Variants in FRY observed in about 807,000 individuals in gnomAD.
FRY encodes protein furry homolog.
A neutral mutation model predicts 348.4 loss-of-function variants in FRY; 128 were observed. The ratio of observed to expected loss-of-function variants is 0.37; its 90% CI spans 0.32 to 0.43. FRY has a LOEUF of 0.43. FRY is among the 20% of genes least tolerant of loss of function. FRY has a pLI of 1.00. For synonymous variants in FRY, 1,370 were observed against 1,374.7 expected (o/e 1.00, Z 0.08); for missense variants, 2,736 against 3,695.2 (o/e 0.74, Z 6.73).
chr13:32,120,183 A>G (rs1878562195), intron 4 of FRY, among the ~76,000 whole-genome samples: 1 of 152,132 alleles, frequency 6.6e-6, no homozygotes, highest in Non-Finnish European at 1.5e-5. Context: ...AATACTTTAC[A>G]TGTTTTATCT....
At chr13:32,196,579 AGTGT>A (rs147310088) in intron 29 of FRY, among the ~76,000 whole-genome samples, 10 of 149,646 alleles carry the variant, frequency 6.7e-5, no homozygotes, top group Admixed American at 6.7e-5. Context: ...TGAGTGTGAG[AGTGT>A]GTGTGTGTGT....
At chr13:32,113,953 C>T (rs1054371262) in intron 3 of FRY, among the ~76,000 whole-genome samples, 2 of 152,150 alleles carry the variant, frequency 1.3e-5, no homozygotes, top group African/African-American at 4.8e-5. Context: ...AGATCTAACA[C>T]CAAGAATGGA....
intron 29 of FRY, among the ~76,000 whole-genome samples, chr13:32,201,099 G>C: frequency 6.6e-6 from 1 of 152,152 alleles, no homozygotes; most frequent in East Asian, 1.9e-4. Context: ...CCACCTACTG[G>C]CCTAGCCTCG....
rs1273928186 is a variant in FRY at position 32,224,974 on chromosome 13, A to ATCACAGTGTACGAGAAGACTGGGCGCT, written c.4962_4988dup (p.Ser1655_His1663dup). 6.2e-7 allele frequency: 1 copy of ATCACAGTGTACGAGAAGACTGGGCGCT among 1,611,946 alleles called. No homozygotes were observed. Among genetic ancestry groups the ATCACAGTGTACGAGAAGACTGGGCGCT allele is most frequent in the Non-Finnish European group, 8.5e-7 (1 of 1,177,990 alleles). On this transcript the variant is annotated inframe_insertion, in exon 38 of 61. Coordinates refer to ENST00000542859, the MANE Select transcript of FRY (RefSeq NM_023037.3). ...ATTTTTATGACTGAAATGGTGGTGG[A>ATCACAGTGTACGAGAAGACTGGGCGCT]TCACAGTGTACGAGAAGACTGGGCG...
intron 2 of FRY, among the ~76,000 whole-genome samples, chr13:32,087,167 C>T (rs1181197785): frequency 6.6e-6 from 1 of 152,198 alleles, no homozygotes; most frequent in East Asian, 1.9e-4. Flanking sequence ...AACTCTATTG[C>T]ATCACACATC....
intron 13 of FRY, among the ~76,000 whole-genome samples, chr13:32,149,097 ATTAT>A (rs748759301): frequency 3.4e-5 from 5 of 147,914 alleles, no homozygotes; most frequent in Non-Finnish European, 6.0e-5. Context: ...ATATATATTA[ATTAT>A]TTATATATAC....
chr13:32,270,769 T>G (rs768816797), intron 55 of FRY, among the ~76,000 whole-genome samples: 3 of 152,232 alleles, frequency 2.0e-5, no homozygotes, highest in Non-Finnish European at 4.4e-5. Context: ...ATTTTGTACT[T>G]GCATCCGTTA....
intron 38 of FRY, among the ~76,000 whole-genome samples, chr13:32,225,436 G>A (rs1885532675): frequency 6.6e-6 from 1 of 152,172 alleles, no homozygotes; most frequent in Non-Finnish European, 1.5e-5. Context: ...GAACCAGCCA[G>A]GGAAACTCAG....
Position 32,117,316 on chromosome 13 carries a change from C to T in FRY, c.325-18C>T. The T allele has an allele frequency of 1.9e-6, 3 of 1,613,116 alleles. No individual in the cohort carries two copies. Among genetic ancestry groups the T allele is most frequent in the Non-Finnish European group, 2.5e-6 (3 of 1,179,276 alleles). ...GCAGTGCTACCAGTGTTCTAATCAC[C>T]TGCATTTTCCTCCATAGGTCATCAG... On this transcript the variant is annotated intron_variant, in intron 3 of 60. Transcript: ENST00000542859.
At chr13:32,055,849 C>T (rs948715151) in intron 1 of FRY, among the ~76,000 whole-genome samples, 2 of 152,140 alleles carry the variant, frequency 1.3e-5, no homozygotes, top group Admixed American at 6.5e-5. Flanking sequence ...GAATATTTCT[C>T]ATTAACATAG....
intron 22 of FRY, 72 bp from the exon 23 acceptor site, chr13:32,179,603 G>T: frequency 6.6e-7 from 1 of 1,506,806 alleles, no homozygotes. Context: ...GTTATAATGG[G>T]ATCATCCTTT....
intron 15 of FRY, among the ~76,000 whole-genome samples, chr13:32,156,741 G>A (rs1359850970): frequency 6.6e-6 from 1 of 152,018 alleles, no homozygotes; most frequent in South Asian, 2.1e-4. Context: ...TCCAGTGTGG[G>A]ACATCAACAC....
chr13:32,218,456 G>A (rs555145798), intron 35 of FRY, among the ~76,000 whole-genome samples: 4 of 152,116 alleles, frequency 2.6e-5, no homozygotes, highest in African/African-American at 4.8e-5. Flanking sequence ...CGAAGCGGGC[G>A]GATCACGAGG....
Position 32,236,093 on chromosome 13 carries a change from G to T in FRY, c.5731G>T (p.Ala1911Ser), listed in dbSNP as rs1439197520. 5.0e-6 allele frequency: 8 copies of T among 1,613,086 alleles called. No individual in the cohort carries two copies. The highest frequency in any genetic ancestry group is 6.8e-6 in the Non-Finnish European group (8 of 1,179,208). The part of the protein sequence containing the change: ...GDEIQGYVME[A>S]LLTLEAAVDN... ...TGTTTGGCAGGGTTATGTAATGGAA[G>T]CGCTCCTAACCTTGGAGGCGGCTGT... Residue 1911 changes from alanine to serine, a missense_variant, in exon 43 of 61, where the codon GCG becomes TCG. Coordinates refer to ENST00000542859, the MANE Select transcript of FRY (RefSeq NM_023037.3).
chr13:32,196,326 A>G (rs1447098525), intron 29 of FRY, among the ~76,000 whole-genome samples: 1 of 152,232 alleles, frequency 6.6e-6, no homozygotes, highest in African/African-American at 2.4e-5. Context: ...TTGTAGAGGA[A>G]TATGACAGTT....
At chr13:32,274,785 T>G in intron 55 of FRY, 57 bp from the exon 56 acceptor site, 6 of 1,355,744 alleles carry the variant, frequency 4.4e-6, no homozygotes, top group Non-Finnish European at 6.3e-6. Flanking sequence ...CAAAATATGT[T>G]TTATCATATA....
At chr13:32,086,253 G>GC (rs1259023242) in intron 2 of FRY, among the ~76,000 whole-genome samples, 2 of 152,068 alleles carry the variant, frequency 1.3e-5, no homozygotes, top group Non-Finnish European at 2.9e-5. Flanking sequence ...TTTTGTCCAC[G>GC]CCCCTCCCTA....
At chr13:32,190,917 G>A (rs112145000) in intron 28 of FRY, among the ~76,000 whole-genome samples, 295 of 152,180 alleles carry the variant, frequency 1.9e-3, no homozygotes, top group African/African-American at 6.7e-3. Context: ...TACTATAAAC[G>A]TATGGTCATT....
intron 51 of FRY, among the ~76,000 whole-genome samples, chr13:32,260,187 G>T (rs1887557286): frequency 6.6e-6 from 1 of 152,192 alleles, no homozygotes; most frequent in Non-Finnish European, 1.5e-5. Flanking sequence ...AAATGATAAT[G>T]CTCATAAGTT....
Sources: gnomAD v4.1 joint callset for allele counts (sites outside exome capture counted in the v4.1 genomes callset) on GRCh38, gnomAD v4.1.1 for gene constraint, MANE v1.5 for transcripts, NCBI Gene and HGNC (gene_info 2026-07-23, HGNC 2026-07-21) for gene names.